Variants in APPBP2 observed in about 807,000 individuals in gnomAD.
APPBP2 encodes the protein amyloid protein-binding protein 2.
A neutral mutation model predicts 76.0 loss-of-function variants in APPBP2; 15 were observed. The observed-to-expected ratio is 0.20, with a 90% CI of 0.13 to 0.30. The LOEUF (loss-of-function observed/expected upper bound fraction) is 0.30, where lower values mean the gene tolerates loss of function less well. Ranked by LOEUF, APPBP2 falls within the 10% of genes least tolerant of loss-of-function variation. APPBP2 has a pLI of 1.00. For missense variants in APPBP2, 401 were observed against 687.2 expected (o/e 0.58, Z 4.66); for synonymous variants, 222 against 242.2 (o/e 0.92, Z 0.77).
intron 6 of APPBP2, 133 bp from the exon 7 acceptor site, chr17:60,462,194 T>G: frequency 1.4e-6 from 1 of 692,788 alleles, no homozygotes. Flanking sequence ...AAGGTTCTAT[T>G]TGTAATTTCT....
At chr17:60,513,854 A>AC (rs200807270) in intron 1 of APPBP2, among the ~76,000 whole-genome samples, 12,254 of 147,878 alleles carry the variant, frequency 0.083, 1,629 homozygotes, top group African/African-American at 0.28. Context: ...TCCATCTCAG[A>AC]AAAAAAAAAA....
At chr17:60,491,483 G>A (rs935123792) in intron 3 of APPBP2, among the ~76,000 whole-genome samples, 3 of 151,884 alleles carry the variant, frequency 2.0e-5, no homozygotes, top group African/African-American at 7.3e-5. Context: ...AGTGCAGTGG[G>A]GTGATCTCAG....
At chr17:60,485,546 A>G (rs1217316830) in intron 3 of APPBP2, among the ~76,000 whole-genome samples, 1 of 152,048 alleles carries the variant, frequency 6.6e-6, no homozygotes, top group Non-Finnish European at 1.5e-5. Flanking sequence ...ATCAGTGGTG[A>G]TATCCCCTTT....
intron 12 of APPBP2, among the ~76,000 whole-genome samples, chr17:60,448,662 G>C (rs1041314036): frequency 1.3e-5 from 2 of 152,234 alleles, no homozygotes; most frequent in Non-Finnish European, 2.9e-5. Context: ...CGGTTACGGA[G>C]TGACTGATGG....
At position 60,447,742 on chromosome 17, in the gene APPBP2, C is replaced by T. The variant is rs1481376986; in HGVS notation, c.1597G>A (p.Val533Met). 6.2e-7 allele frequency: 1 copy of T among 1,613,880 alleles called. No homozygotes were observed. The highest frequency in any genetic ancestry group is 8.5e-7 in the Non-Finnish European group (1 of 1,180,014). ...LYNSIGNYEK[V>M]FEYHNVLSNW... is the part of the protein sequence containing the mutation. ...GACAGAACATTGTGATATTCAAACA[C>T]TTTCTCGTAATTTCCAATGGAGTTG... The change falls in exon 13 of 13, where the codon GTG (valine) becomes ATG (methionine). Residue 533 changes from valine (V) to methionine (M), a missense_variant. This residue lies in a region of APPBP2 where 56 missense variants were observed against 76.5 expected (regional missense o/e 0.73). Transcript: ENST00000083182.
chr17:60,486,758 G>C (rs1330927192), intron 3 of APPBP2, among the ~76,000 whole-genome samples: 2 of 152,032 alleles, frequency 1.3e-5, no homozygotes, highest in African/African-American at 4.8e-5. Flanking sequence ...GGTTATTTTG[G>C]CCATTAGTTG....
intron 11 of APPBP2, among the ~76,000 whole-genome samples, chr17:60,452,866 T>C (rs926246539): frequency 6.6e-6 from 1 of 152,180 alleles, no homozygotes; most frequent in Non-Finnish European, 1.5e-5. Flanking sequence ...CCAGGGAGGT[T>C]GAGGCTGTAG....
chr17:60,472,171 AAAAAC>A (rs1206617756), intron 4 of APPBP2, among the ~76,000 whole-genome samples: 3 of 151,744 alleles, frequency 2.0e-5, no homozygotes, highest in East Asian at 1.9e-4. Flanking sequence ...AAACAAAAAC[AAAAAC>A]AAAACAAAAC....
intron 11 of APPBP2, among the ~76,000 whole-genome samples, chr17:60,453,480 C>G (rs766708274): frequency 5.3e-5 from 8 of 151,400 alleles, no homozygotes; most frequent in Non-Finnish European, 1.2e-4. Flanking sequence ...CCACTGAGCC[C>G]GGCCTCATAT....
chr17:60,491,459 G>A (rs1040910616), intron 3 of APPBP2, among the ~76,000 whole-genome samples: 2 of 151,748 alleles, frequency 1.3e-5, no homozygotes, highest in African/African-American at 4.8e-5. Context: ...GTTTTGCTTT[G>A]TCACCCAGGC....
chr17:60,493,881 C>A (rs1423300940), intron 3 of APPBP2, among the ~76,000 whole-genome samples: 1 of 152,128 alleles, frequency 6.6e-6, no homozygotes, highest in Non-Finnish European at 1.5e-5. Context: ...CAGTGATCCA[C>A]CCACCTCAGT....
chr17:60,494,232 T>A (rs1238462768), intron 3 of APPBP2, among the ~76,000 whole-genome samples: 1 of 152,236 alleles, frequency 6.6e-6, no homozygotes, highest in Non-Finnish European at 1.5e-5. Flanking sequence ...TGAGTCTGTT[T>A]CCTCATTTGT....
At chr17:60,467,131 G>A (rs1022084679) in intron 4 of APPBP2, among the ~76,000 whole-genome samples, 2 of 151,782 alleles carry the variant, frequency 1.3e-5, no homozygotes, top group African/African-American at 2.4e-5. Context: ...TAGGCAAATA[G>A]TGTTAGGACT....
At chr17:60,469,846 C>T (rs1004405254) in intron 4 of APPBP2, among the ~76,000 whole-genome samples, 19 of 152,174 alleles carry the variant, frequency 1.2e-4, no homozygotes, top group African/African-American at 3.6e-4. Flanking sequence ...CACTAGCACA[C>T]AAATATCTCT....
chr17:60,479,417 G>C (rs1029499374), intron 3 of APPBP2, 146 bp from the exon 4 acceptor site: 5 of 832,366 alleles, frequency 6.0e-6, no homozygotes, highest in African/African-American at 5.2e-5. Context: ...GGTATGAACT[G>C]TGAGATTTTT....
intron 3 of APPBP2, among the ~76,000 whole-genome samples, chr17:60,486,046 G>A (rs1023254535): frequency 6.6e-6 from 1 of 152,198 alleles, no homozygotes; most frequent in African/African-American, 2.4e-5. Context: ...TAATTTGACT[G>A]CACTGAGGTC....
intron 2 of APPBP2, among the ~76,000 whole-genome samples, chr17:60,498,518 T>G (rs145782324): frequency 3.3e-5 from 5 of 152,152 alleles, no homozygotes; most frequent in Admixed American, 1.3e-4. Context: ...AGCTAAAAAG[T>G]GGAAACAGCC....
intron 5 of APPBP2, among the ~76,000 whole-genome samples, chr17:60,465,504 A>C (rs1392522313): frequency 6.6e-6 from 1 of 152,210 alleles, no homozygotes; most frequent in African/African-American, 2.4e-5. Flanking sequence ...AACATTCCTC[A>C]CGAATGTGCT....
At chr17:60,455,108 T>G (rs891595439) in intron 10 of APPBP2, among the ~76,000 whole-genome samples, 12 of 152,172 alleles carry the variant, frequency 7.9e-5, no homozygotes, top group African/African-American at 2.9e-4. Flanking sequence ...TACTTCACTG[T>G]AGCATTTTTT....
Sources: gnomAD v4.1 joint callset for allele counts (sites outside exome capture counted in the v4.1 genomes callset) on GRCh38, gnomAD v4.1.1 for gene constraint, gnomAD v4.1.1 regional missense constraint, MANE v1.5 for transcripts, NCBI Gene and HGNC (gene_info 2026-07-23, HGNC 2026-07-21) for gene names.